Variants in SLC36A1 observed in about 807,000 individuals in gnomAD.
SLC36A1 encodes the protein solute carrier family 36 member 1.
A neutral mutation model predicts 47.5 loss-of-function variants in SLC36A1; 30 were observed. The ratio of observed to expected loss-of-function variants is 0.63; its 90% CI spans 0.47 to 0.86. The LOEUF (loss-of-function observed/expected upper bound fraction) is 0.86. SLC36A1 is among the 40% of genes least tolerant of loss of function. The pLI is 0.00. For missense variants in SLC36A1, 517 were observed against 606.0 expected, an observed-to-expected ratio of 0.85 and a Z score of 1.54; for synonymous variants, 255 against 249.7, an observed-to-expected ratio of 1.02 and a Z score of -0.20.
At chr5:151,458,364 C>CACAT (rs57654042) in intron 1 of SLC36A1, among the ~76,000 whole-genome samples, 26,702 of 138,814 alleles carry the variant, frequency 0.19, 2,776 homozygotes, top group African/African-American at 0.29. Flanking sequence ...TATACACACA[C>CACAT]GATTGAACTA....
At chr5:151,457,883 T>C (rs1172780942) in intron 1 of SLC36A1, among the ~76,000 whole-genome samples, 1 of 151,060 alleles carries the variant, frequency 6.6e-6, no homozygotes, top group Non-Finnish European at 1.5e-5. Context: ...AGTTTCGCTC[T>C]TGTCGCCCAG....
At chr5:151,425,964 C>CTCTATCTATCTA in the SLC36A1 span, among the ~76,000 whole-genome samples, 22,833 of 147,992 alleles carry the variant, frequency 0.15, 1,897 homozygotes, top group African/African-American at 0.21. Flanking sequence ...CTCTCTCTCC[C>CTCTATCTATCTA]TCTATCTATC....
the SLC36A1 span, chr5:151,510,168 A>G: frequency 6.2e-7 from 1 of 1,614,094 alleles, no homozygotes; most frequent in Non-Finnish European, 8.5e-7. Flanking sequence ...ACATTTGCAG[A>G]CATAGCCTAG....
upstream of SLC36A1, among the ~76,000 whole-genome samples, chr5:151,436,262 A>G (rs1759773857): frequency 6.6e-6 from 1 of 152,128 alleles, no homozygotes; most frequent in South Asian, 2.1e-4. Flanking sequence ...CACATACCCA[A>G]TAACCACTGT....
the SLC36A1 span, among the ~76,000 whole-genome samples, chr5:151,355,403 C>T: frequency 2.6e-5 from 4 of 152,092 alleles, no homozygotes; most frequent in Non-Finnish European, 5.9e-5. Flanking sequence ...TGCCACAATA[C>T]GACATACTAC....
intron 10 of SLC36A1, among the ~76,000 whole-genome samples, chr5:151,486,369 T>TAC: frequency 7.8e-6 from 1 of 127,468 alleles, no homozygotes. Context: ...TTGGAGGGGA[T>TAC]CCAAACCATA....
chr5:151,467,865 C>T lies in SLC36A1; in HGVS notation c.663C>T (p.Ser221=), dbSNP rs376643467. The change falls in exon 7 of 11, where the codon TCC becomes TCT. Residue 221 remains serine (S), a synonymous_variant. Transcript: ENST00000243389. ...ACCTCCGAGCCCTGTCCATCTTCTC[C>T]CTGTTGGCCAACATCACCATGCTGG... ...IRNLRALSIF[S]LLANITMLVS... is the part of the protein sequence containing the mutation. 6.2e-7 allele frequency: 1 copy of T among 1,613,948 alleles called. No homozygotes were observed. The highest frequency in any genetic ancestry group is 1.1e-5 in the South Asian group (1 of 91,054).
chr5:151,522,040 C>T, the SLC36A1 span: 5,432 of 1,608,860 alleles, frequency 3.4e-3, 31 homozygotes, highest in Non-Finnish European at 3.2e-3. Context: ...GACATGGACA[C>T]GGACAGACGT....
chr5:151,442,355 G>T (rs1752677005), intron 1 of SLC36A1, among the ~76,000 whole-genome samples: 1 of 151,980 alleles, frequency 6.6e-6, no homozygotes, highest in South Asian at 2.1e-4. Flanking sequence ...TAAATACAGT[G>T]TGATTTTTTT....
chr5:151,429,202 T>A, the SLC36A1 span, among the ~76,000 whole-genome samples: 32,802 of 151,794 alleles, frequency 0.22, 3,713 homozygotes, highest in African/African-American at 0.26. Flanking sequence ...ATTTTTATTT[T>A]TTAAAATTTT....
chr5:151,553,388 C>A, the SLC36A1 span: 1 of 1,613,944 alleles, frequency 6.2e-7, no homozygotes, highest in Non-Finnish European at 8.5e-7. Flanking sequence ...TTGCCTTGAT[C>A]TGAAAGGAGG....
At chr5:151,374,038 C>T in the SLC36A1 span, among the ~76,000 whole-genome samples, 2 of 152,114 alleles carry the variant, frequency 1.3e-5, no homozygotes, top group Non-Finnish European at 2.9e-5. Flanking sequence ...TGAATAACAC[C>T]TTCCTTCTCA....
chr5:151,385,886 T>G, the SLC36A1 span, among the ~76,000 whole-genome samples: 1 of 140,464 alleles, frequency 7.1e-6, no homozygotes, highest in Non-Finnish European at 1.5e-5. Flanking sequence ...TTTTTTTTTT[T>G]TTTGAGACAG....
At chr5:151,414,198 CT>C in the SLC36A1 span, among the ~76,000 whole-genome samples, 1 of 148,546 alleles carries the variant, frequency 6.7e-6, no homozygotes, top group Non-Finnish European at 1.5e-5. Context: ...AGTGATTCCG[CT>C]GTGTGACTCA....
the SLC36A1 span, among the ~76,000 whole-genome samples, chr5:151,408,804 C>G: frequency 2.6e-5 from 4 of 152,072 alleles, no homozygotes; most frequent in African/African-American, 9.7e-5. Context: ...AAAATAAACA[C>G]CAATAAAAAT....
the SLC36A1 span, chr5:151,509,923 C>T: frequency 3.6e-6 from 5 of 1,396,368 alleles, no homozygotes; most frequent in African/African-American, 2.9e-5. Context: ...GTCCCTGCAG[C>T]ACTCTCCCCT....
the SLC36A1 span, among the ~76,000 whole-genome samples, chr5:151,555,768 C>G: frequency 8.1e-4 from 124 of 152,280 alleles, no homozygotes; most frequent in Middle Eastern, 3.4e-3. Flanking sequence ...ATTCCCCCCT[C>G]CTGATACTTT....
chr5:151,469,733 A>G (rs1413100622), intron 7 of SLC36A1, among the ~76,000 whole-genome samples: 1 of 151,880 alleles, frequency 6.6e-6, no homozygotes, highest in Non-Finnish European at 1.5e-5. Context: ...TTCCATCCTT[A>G]CTAATACTGG....
chr5:151,408,561 A>T, the SLC36A1 span, among the ~76,000 whole-genome samples: 1 of 152,246 alleles, frequency 6.6e-6, no homozygotes, highest in Non-Finnish European at 1.5e-5. Flanking sequence ...CATTAATAGA[A>T]GAGAATATAC....
Sources: allele counts gnomAD v4.1 joint callset (sites outside exome capture counted in the v4.1 genomes callset), GRCh38; gene constraint gnomAD v4.1.1; transcripts MANE v1.5; gene names NCBI Gene and HGNC (gene_info 2026-07-23, HGNC 2026-07-21).